The following PTPRJ variants were observed in gnomAD, a reference collection of about 807,000 sequenced individuals.
The protein encoded by PTPRJ is protein tyrosine phosphatase receptor type J, also known as receptor-type tyrosine-protein phosphatase eta.
Under a neutral mutation model 141.3 loss-of-function variants are expected in PTPRJ, and 129 were observed. The ratio of observed to expected loss-of-function variants is 0.91; its 90% CI spans 0.79 to 1.06. PTPRJ has a LOEUF of 1.06. PTPRJ is among the 50% of genes least tolerant of loss of function. PTPRJ has a pLI of 0.00. For missense variants in PTPRJ, 1,601 were observed against 1,679.7 expected (o/e 0.95, Z 0.82); for synonymous variants, 610 against 640.5 (o/e 0.95, Z 0.72).
chr11:48,107,196 G>A (rs1856314087), intron 1 of PTPRJ, among the ~76,000 whole-genome samples: 1 of 151,920 alleles, frequency 6.6e-6, no homozygotes, highest in Admixed American at 6.6e-5. Context: ...GCCTGGAGGA[G>A]GATCCTTGTG....
intron 1 of PTPRJ, among the ~76,000 whole-genome samples, chr11:48,090,212 G>A (rs2134297428): frequency 6.6e-6 from 1 of 152,284 alleles, no homozygotes; most frequent in South Asian, 2.1e-4. Context: ...GCACCTGCCT[G>A]TGCATCCTTA....
intron 1 of PTPRJ, among the ~76,000 whole-genome samples, chr11:48,077,339 C>T (rs1855429863): frequency 6.6e-6 from 1 of 152,148 alleles, no homozygotes; most frequent in Non-Finnish European, 1.5e-5. Flanking sequence ...ACCTCACACC[C>T]AGTTCTTCTT....
At chr11:48,091,570 C>G (rs911107141) in intron 1 of PTPRJ, among the ~76,000 whole-genome samples, 2 of 152,200 alleles carry the variant, frequency 1.3e-5, no homozygotes, top group African/African-American at 4.8e-5. Context: ...TTAAAGGCAG[C>G]TCTTGACTTG....
chr11:48,156,199 A>G, intron 21 of PTPRJ, 80 bp downstream of exon 21: 2 of 1,278,422 alleles, frequency 1.6e-6, no homozygotes, highest in Non-Finnish European at 2.1e-6. Context: ...CTTAAAAACC[A>G]TTTGTTTCTT....
At position 48,125,064 on chromosome 11, in the gene PTPRJ, AG is replaced by A; in HGVS notation, c.972del (p.Gln324HisfsTer12). ...VGPVDPSSGQQSRDTEVLLVG... is the reference protein window; with the variant it reads ...VGPVDPSSGQXSRDTEVLLVG... ...CCTGTGGACCCATCCTCCGGCCAGCAGTCCCGAGACACGGAAGTCCTGCTTG... is the reference window on the plus strand; with the variant it reads ...CCTGTGGACCCATCCTCCGGCCAGCATCCCGAGACACGGAAGTCCTGCTTG... On this transcript the variant is annotated frameshift_variant, in exon 6 of 25. Coordinates refer to ENST00000418331, the MANE Select transcript of PTPRJ (RefSeq NM_002843.4). LOFTEE classifies it high-confidence loss of function. 1 of 1,614,122 alleles carries A rather than the reference AG, an allele frequency of 6.2e-7. No individual in the cohort carries two copies. The highest frequency in any genetic ancestry group is 8.5e-7 in the Non-Finnish European group (1 of 1,180,020).
chr11:48,072,256 G>A (rs1166703775), intron 1 of PTPRJ, among the ~76,000 whole-genome samples: 1 of 152,144 alleles, frequency 6.6e-6, no homozygotes, highest in Non-Finnish European at 1.5e-5. Flanking sequence ...AGTTCTGGAG[G>A]CTGGGAAGTC....
chr11:48,162,785 AG>A (rs1428058615), intron 22 of PTPRJ, among the ~76,000 whole-genome samples: 1 of 152,124 alleles, frequency 6.6e-6, no homozygotes, highest in Non-Finnish European at 1.5e-5. Context: ...TGGTGCTTCA[AG>A]GTATATGCTT....
intron 3 of PTPRJ, among the ~76,000 whole-genome samples, chr11:48,116,749 A>C (rs925156513): frequency 1.3e-5 from 2 of 152,252 alleles, no homozygotes; most frequent in South Asian, 4.1e-4. Flanking sequence ...TCAAACTAGA[A>C]ATAAATAACA....
rs1013396732 is a variant in PTPRJ at position 48,169,675 on chromosome 11, A to C, written c.*2313A>C. The C allele has an allele frequency of 6.6e-6, 1 of 152,256 alleles. No homozygotes were observed. 9.4% of individuals were successfully genotyped at this position (152,256 alleles called of 1,614,324 possible). On this transcript the variant is annotated 3_prime_UTR_variant, in exon 25 of 25. Transcript: ENST00000418331. ...ATCACTGCCACAGAGAAGTCAGAGG[A>C]AGGGACTTGTTGCTAAAAAATCCTT...
chr11:48,027,287 A>T (rs2950891), intron 1 of PTPRJ, among the ~76,000 whole-genome samples: 2 of 150,888 alleles, frequency 1.3e-5, no homozygotes, highest in Admixed American at 6.6e-5. Flanking sequence ...GATTACAGGC[A>T]TGAGCCACCG....
intron 1 of PTPRJ, among the ~76,000 whole-genome samples, chr11:48,026,594 C>G (rs900326123): frequency 1.3e-5 from 2 of 151,694 alleles, no homozygotes; most frequent in African/African-American, 4.8e-5. Context: ...GGATTACAGG[C>G]GCCCGCCACC....
At position 47,981,015 on chromosome 11, in the gene PTPRJ, G is replaced by A. The variant is rs1435923068; in HGVS notation, c.96+7G>A. 9 of 1,207,520 alleles carry A rather than the reference G, an allele frequency of 7.5e-6. No individual in the cohort carries two copies. Among genetic ancestry groups the A allele is most frequent in the African/African-American group, 3.2e-5 (2 of 63,174 alleles). The allele number at this position is 1,207,520 out of a possible 1,614,324, so 74.8% of individuals were successfully genotyped here. Reference sequence around the variant, plus strand: ...GCTGCTGCGCCTGGGCCAGGTAAGCGCCGGGTGGGCTCGGGCGGGGGGCAG... The same window carrying A: ...GCTGCTGCGCCTGGGCCAGGTAAGCACCGGGTGGGCTCGGGCGGGGGGCAG... On this transcript the variant is annotated splice_region_variant and intron_variant, in intron 1 of 24. Transcript: ENST00000418331.
chr11:48,023,781 CAAAA>C (rs1006351645), intron 1 of PTPRJ, among the ~76,000 whole-genome samples: 9 of 145,044 alleles, frequency 6.2e-5, no homozygotes, highest in African/African-American at 2.1e-4. Flanking sequence ...GACTCGGACT[CAAAA>C]ATAAATAAAT....
chr11:48,149,199 G>T (rs965056606), intron 15 of PTPRJ, among the ~76,000 whole-genome samples: 1 of 152,130 alleles, frequency 6.6e-6, no homozygotes, highest in African/African-American at 2.4e-5. Flanking sequence ...AAGTGACTTG[G>T]ATATGATTTT....
chr11:48,142,794 G>A, intron 11 of PTPRJ, 125 bp from the exon 12 acceptor site: 3 of 1,211,074 alleles, frequency 2.5e-6, no homozygotes, highest in Admixed American at 2.8e-5. Context: ...TTGCTGTTTT[G>A]CACGAGCCCA....
chr11:48,056,552 G>A (rs1236987001), intron 1 of PTPRJ, among the ~76,000 whole-genome samples: 1 of 152,196 alleles, frequency 6.6e-6, no homozygotes, highest in Non-Finnish European at 1.5e-5. Context: ...TTCACTGAGT[G>A]CTTACTACCT....
At chr11:48,047,262 C>G (rs1296627766) in intron 1 of PTPRJ, among the ~76,000 whole-genome samples, 4 of 151,874 alleles carry the variant, frequency 2.6e-5, no homozygotes, top group Non-Finnish European at 4.4e-5. Context: ...AATTATCAAT[C>G]CTTTTGTTAA....
intron 1 of PTPRJ, among the ~76,000 whole-genome samples, chr11:48,099,439 G>T (rs911204032): frequency 2.6e-5 from 4 of 152,210 alleles, no homozygotes; most frequent in Non-Finnish European, 2.9e-5. Context: ...ATCGATGGCT[G>T]GTTTCGCAGT....
intron 14 of PTPRJ, among the ~76,000 whole-genome samples, chr11:48,146,071 C>T (rs1857343838): frequency 6.6e-6 from 1 of 152,152 alleles, no homozygotes; most frequent in East Asian, 1.9e-4. Context: ...GAACTCCTGG[C>T]CTCAAGCCTC....
Sources: gnomAD v4.1 joint callset for allele counts (sites outside exome capture counted in the v4.1 genomes callset) on GRCh38, gnomAD v4.1.1 for gene constraint, MANE v1.5 for transcripts, NCBI Gene and HGNC (gene_info 2026-07-23, HGNC 2026-07-21) for gene names.